COA1: variants seen among roughly 807,000 people sequenced by gnomAD.
COA1 encodes the protein cytochrome c oxidase assembly factor 1 homolog.
Under a neutral mutation model 16.0 loss-of-function variants are expected in COA1, and 13 were observed. The ratio of observed to expected loss-of-function variants is 0.81; its 90% confidence interval spans 0.53 to 1.29. The LOEUF (loss-of-function observed/expected upper bound fraction) is 1.29. Among genes scored for constraint, COA1 ranks in the 50% most tolerant of loss-of-function variants. The pLI, the probability that COA1 is intolerant of heterozygous loss-of-function variation, is 0.00. For missense variants in COA1, 179 were observed against 177.0 expected (o/e 1.01, Z -0.06); for synonymous variants, 65 against 65.7 (o/e 0.99, Z 0.05).
chr7:43,664,266 A>G (rs551333751), intron 1 of COA1, among the ~76,000 whole-genome samples: 14 of 152,062 alleles, frequency 9.2e-5, no homozygotes, highest in Non-Finnish European at 1.9e-4. Context: ...CAGGCATGCA[A>G]CACCACACCC....
chr7:43,695,895 A>C (rs1229813763), intron 1 of COA1, among the ~76,000 whole-genome samples: 2 of 152,202 alleles, frequency 1.3e-5, no homozygotes, highest in Non-Finnish European at 2.9e-5. Flanking sequence ...ACTCCCTTAC[A>C]AATACGAAAG....
chr7:43,680,283 CAAAAAAAA>C (rs552891478), intron 1 of COA1, among the ~76,000 whole-genome samples: 1 of 73,008 alleles, frequency 1.4e-5, no homozygotes, highest in South Asian at 4.9e-4. Context: ...GACAGGGAGA[CAAAAAAAA>C]AAAAAAAAAA....
At chr7:43,670,009 G>A (rs2093159412) in intron 1 of COA1, among the ~76,000 whole-genome samples, 1 of 152,132 alleles carries the variant, frequency 6.6e-6, no homozygotes, top group Non-Finnish European at 1.5e-5. Flanking sequence ...GAAGCAGGGA[G>A]ACTTAGCTTG....
chr7:43,693,757 C>G (rs2094446093), intron 1 of COA1, among the ~76,000 whole-genome samples: 1 of 152,072 alleles, frequency 6.6e-6, no homozygotes, highest in Non-Finnish European at 1.5e-5. Flanking sequence ...ATCATTATCA[C>G]CAGGAACCCC....
intron 1 of COA1, among the ~76,000 whole-genome samples, chr7:43,681,588 G>A (rs548863350): frequency 1.6e-3 from 236 of 152,200 alleles, no homozygotes; most frequent in African/African-American, 5.4e-3. Context: ...TAATGGCAGG[G>A]TATTGTAGAC....
At chr7:43,615,306 GC>G (rs1350721564) in intron 6 of COA1, among the ~76,000 whole-genome samples, 1 of 152,052 alleles carries the variant, frequency 6.6e-6, no homozygotes, top group Non-Finnish European at 1.5e-5. Context: ...CTCCCAAGTA[GC>G]TGGGACTACA....
intron 6 of COA1, chr7:43,631,489 G>C (rs1035562944): frequency 7.2e-5 from 11 of 152,332 alleles, no homozygotes; most frequent in African/African-American, 2.4e-4. Flanking sequence ...GTCTCCCAAA[G>C]TGCTGGGATT....
downstream of COA1, among the ~76,000 whole-genome samples, chr7:43,634,505 A>T (rs1224849179): frequency 2.0e-5 from 3 of 152,172 alleles, no homozygotes; most frequent in African/African-American, 7.2e-5. Flanking sequence ...GGGTCAGGGT[A>T]AAAGTCTAAG....
At position 43,648,655 on chromosome 7, in the gene COA1, G is replaced by A. The variant is rs1292073135; in HGVS notation, c.-38-3C>T. 3.7e-6 allele frequency: 6 copies of A among 1,605,342 alleles called. No individual in the cohort carries two copies. Among genetic ancestry groups the A allele is most frequent in the Admixed American group, 1.7e-5 (1 of 59,214 alleles). ...AAAATCATCAAAGGCAAGTTGTCCT[G>A]CAATTAGAAAAGATTTTACATTAAA... On this transcript the variant is annotated splice_region_variant and splice_polypyrimidine_tract_variant and intron_variant, in intron 1 of 5. Coordinates refer to ENST00000223336, the MANE Select transcript of COA1 (RefSeq NM_018224.4).
At chr7:43,627,176 T>TG in intron 6 of COA1, among the ~76,000 whole-genome samples, 1 of 152,262 alleles carries the variant, frequency 6.6e-6, no homozygotes, top group Admixed American at 6.5e-5. Flanking sequence ...ATGAAATGTA[T>TG]AAAATGTATA....
At chr7:43,627,425 T>A (rs2084683982) in intron 6 of COA1, among the ~76,000 whole-genome samples, 1 of 152,178 alleles carries the variant, frequency 6.6e-6, no homozygotes, top group African/African-American at 2.4e-5. Context: ...CTCAGTAATG[T>A]AATGGGGGTG....
intron 1 of COA1, among the ~76,000 whole-genome samples, chr7:43,694,499 T>C (rs1337641677): frequency 3.3e-5 from 5 of 152,162 alleles, no homozygotes; most frequent in Admixed American, 2.6e-4. Context: ...AGGTCAATTC[T>C]CAGCGCTCAT....
At chr7:43,641,828 G>A (rs181504929) in intron 4 of COA1, 1 of 152,264 alleles carries the variant, frequency 6.6e-6, no homozygotes, top group East Asian at 1.9e-4. Flanking sequence ...AACAGTGAAT[G>A]CAATATTTTT....
In COA1 at chr7:43,648,669, T is replaced by C. The variant is rs1365908107; in HGVS notation, c.-38-17A>G. On this transcript the variant is annotated splice_polypyrimidine_tract_variant and intron_variant, in intron 1 of 5. Transcript: ENST00000223336. The stretch of plus-strand genomic sequence containing the variant: ...CAAGTTGTCCTGCAATTAGAAAAGA[T>C]TTTACATTAAAATCATATTTTTAAA... 2 of 1,586,456 alleles carry C rather than the reference T, an allele frequency of 1.3e-6. No individual in the cohort carries two copies. Among genetic ancestry groups the C allele is most frequent in the Non-Finnish European group, 1.7e-6 (2 of 1,157,482 alleles).
chr7:43,727,033 G>A (rs1024000773), intron 1 of COA1, among the ~76,000 whole-genome samples: 1 of 152,146 alleles, frequency 6.6e-6, no homozygotes, highest in Admixed American at 6.5e-5. Flanking sequence ...AAAGATGAAC[G>A]TTTCAGGTGG....
At chr7:43,678,513 C>T (rs778251622) in intron 1 of COA1, among the ~76,000 whole-genome samples, 13 of 152,102 alleles carry the variant, frequency 8.5e-5, no homozygotes, top group Non-Finnish European at 1.2e-4. Context: ...ACACTATCAA[C>T]AGAGTTAAAA....
At chr7:43,608,531 T>C (rs1583562089) in exon 7 of COA1, 1 of 1,051,296 alleles carries the variant, frequency 9.5e-7, no homozygotes, top group East Asian at 2.6e-5. Flanking sequence ...GAATTGAGTC[T>C]TTACTCCTAT....
intron 1 of COA1, among the ~76,000 whole-genome samples, chr7:43,679,104 C>T (rs2093653762): frequency 6.6e-6 from 1 of 151,942 alleles, no homozygotes; most frequent in Admixed American, 6.6e-5. Flanking sequence ...CATGGTGAAA[C>T]CCCATACAAA....
intron 1 of COA1, among the ~76,000 whole-genome samples, chr7:43,692,420 A>G (rs188080406): frequency 6.6e-6 from 1 of 152,182 alleles, no homozygotes; most frequent in East Asian, 1.9e-4. Flanking sequence ...TGGGAGGCTG[A>G]GCTGGGAAGA....
Sources: allele counts gnomAD v4.1 joint callset (sites outside exome capture counted in the v4.1 genomes callset), GRCh38; gene constraint gnomAD v4.1.1; transcripts MANE v1.5; gene names NCBI Gene and HGNC (gene_info 2026-07-23, HGNC 2026-07-21).